TDRD3: variants seen among roughly 807,000 people sequenced by gnomAD.
TDRD3 encodes the protein tudor domain-containing protein 3.
Under a neutral mutation model 86.7 loss-of-function variants are expected in TDRD3, and 45 were observed. That is an observed-to-expected ratio of 0.52 (90% CI 0.41 to 0.67). TDRD3 has a LOEUF of 0.67. TDRD3 is among the 30% of genes least tolerant of loss of function. The pLI is 0.00. For synonymous variants in TDRD3, 298 were observed against 301.7 expected, an observed-to-expected ratio of 0.99 and a Z score of 0.13; for missense variants, 814 against 889.0, an observed-to-expected ratio of 0.92 and a Z score of 1.07.
chr13:60,419,241 G>A (rs1009594111), intron 1 of TDRD3, among the ~76,000 whole-genome samples: 5 of 152,100 alleles, frequency 3.3e-5, no homozygotes, highest in East Asian at 1.9e-4. Flanking sequence ...GATTTTAGCC[G>A]TTCATCTGGT....
At chr13:60,520,546 C>T (rs1957266355) in intron 10 of TDRD3, among the ~76,000 whole-genome samples, 1 of 152,158 alleles carries the variant, frequency 6.6e-6, no homozygotes, top group African/African-American at 2.4e-5. Context: ...CTGTACTCCC[C>T]ACTCCTCCTA....
chr13:60,484,054 T>C (rs947557621), intron 6 of TDRD3, among the ~76,000 whole-genome samples: 1 of 152,112 alleles, frequency 6.6e-6, no homozygotes, highest in African/African-American at 2.4e-5. Context: ...AACCCAAAGA[T>C]TGAAGCAATT....
intron 12 of TDRD3, among the ~76,000 whole-genome samples, chr13:60,554,505 T>C (rs1013576843): frequency 3.9e-5 from 6 of 152,182 alleles, no homozygotes; most frequent in African/African-American, 1.2e-4. Context: ...CTCTACTTTT[T>C]AATAAACAAT....
chr13:60,478,802 T>A (rs892490407), intron 5 of TDRD3, among the ~76,000 whole-genome samples: 49 of 65,474 alleles, frequency 7.5e-4, no homozygotes, highest in African/African-American at 2.6e-3. Flanking sequence ...ATTTGAGGAC[T>A]TTTTTTTTTT....
intron 10 of TDRD3, among the ~76,000 whole-genome samples, chr13:60,518,921 T>C (rs576976915): frequency 1.3e-5 from 2 of 152,198 alleles, no homozygotes; most frequent in African/African-American, 4.8e-5. Flanking sequence ...ATGATCCTAA[T>C]ATACTTTGCT....
intron 8 of TDRD3, among the ~76,000 whole-genome samples, chr13:60,498,875 T>A (rs1452892290): frequency 6.6e-6 from 1 of 152,110 alleles, no homozygotes; most frequent in Non-Finnish European, 1.5e-5. Context: ...CCAGTTAAAG[T>A]AGGGGCTTAT....
intron 1 of TDRD3, among the ~76,000 whole-genome samples, chr13:60,398,940 G>C (rs563617006): frequency 1.9e-4 from 29 of 152,194 alleles, no homozygotes; most frequent in African/African-American, 6.7e-4. Flanking sequence ...TTCTCATTAG[G>C]TTGAGCGTTG....
chr13:60,534,533 G>T (rs919745324), intron 11 of TDRD3, among the ~76,000 whole-genome samples: 1 of 151,854 alleles, frequency 6.6e-6, no homozygotes, highest in Non-Finnish European at 1.5e-5. Context: ...CACTTGTGAT[G>T]ACTGAAGCAC....
intron 3 of TDRD3, among the ~76,000 whole-genome samples, chr13:60,456,968 T>C (rs971732665): frequency 1.3e-5 from 2 of 152,134 alleles, no homozygotes; most frequent in Non-Finnish European, 2.9e-5. Flanking sequence ...AGTGCTGAGA[T>C]TACAGGTGTG....
chr13:60,572,297 C>A (rs1031841542), intron 13 of TDRD3, among the ~76,000 whole-genome samples: 1 of 152,074 alleles, frequency 6.6e-6, no homozygotes, highest in Non-Finnish European at 1.5e-5. Context: ...AAATATTTTT[C>A]GGTGATGAAA....
intron 7 of TDRD3, among the ~76,000 whole-genome samples, chr13:60,491,131 A>G (rs867683383): frequency 1.5e-3 from 231 of 151,686 alleles, no homozygotes; most frequent in African/African-American, 3.5e-3. Context: ...AAAAAAAAAA[A>G]AAGAAGAAGA....
intron 3 of TDRD3, among the ~76,000 whole-genome samples, chr13:60,452,004 C>CA (rs1288184604): frequency 3.3e-5 from 5 of 152,182 alleles, no homozygotes; most frequent in Non-Finnish European, 1.5e-5. Context: ...CTCTGAAGAG[C>CA]AAAAAATAGC....
intron 5 of TDRD3, among the ~76,000 whole-genome samples, chr13:60,471,961 ACAC>A (rs1254425158): frequency 6.6e-6 from 1 of 151,608 alleles, no homozygotes; most frequent in Non-Finnish European, 1.5e-5. Flanking sequence ...CTTAGAGGAA[ACAC>A]CTTCAGTCCT....
chr13:60,551,269 A>G (rs1958047291), intron 12 of TDRD3, among the ~76,000 whole-genome samples: 1 of 152,328 alleles, frequency 6.6e-6, no homozygotes, highest in African/African-American at 2.4e-5. Flanking sequence ...GTTTTCTTCT[A>G]TGGAAAATAC....
At chr13:60,456,756 C>G (rs150907911) in intron 3 of TDRD3, among the ~76,000 whole-genome samples, 6,773 of 152,084 alleles carry the variant, frequency 0.045, 207 homozygotes, top group Non-Finnish European at 0.064. Flanking sequence ...AGTGTAGTGG[C>G]GCAATCGTGG....
At chr13:60,419,363 T>A (rs987281729) in intron 1 of TDRD3, among the ~76,000 whole-genome samples, 1 of 152,218 alleles carries the variant, frequency 6.6e-6, no homozygotes, top group Admixed American at 6.5e-5. Flanking sequence ...TTGAGTCTTT[T>A]GTCCGTTAAG....
At chr13:60,480,692 A>G (rs1321918959) in intron 5 of TDRD3, among the ~76,000 whole-genome samples, 1 of 152,090 alleles carries the variant, frequency 6.6e-6, no homozygotes, top group South Asian at 2.1e-4. Context: ...TTTCTAAATT[A>G]TAATTTACCT....
chr13:60,422,691 A>G (rs957293795), intron 1 of TDRD3, among the ~76,000 whole-genome samples: 1 of 152,130 alleles, frequency 6.6e-6, no homozygotes, highest in East Asian at 1.9e-4. Context: ...CCAAGGGAAA[A>G]TGGACTAGAA....
chr13:60,525,873 A>G (rs1957419201), intron 10 of TDRD3, among the ~76,000 whole-genome samples: 1 of 152,246 alleles, frequency 6.6e-6, no homozygotes, highest in African/African-American at 2.4e-5. Context: ...TCTGGAACAA[A>G]GTGAAAAGAT....
Sources: gnomAD v4.1 joint callset for allele counts (sites outside exome capture counted in the v4.1 genomes callset) on GRCh38, gnomAD v4.1.1 for gene constraint, MANE v1.5 for transcripts, NCBI Gene and HGNC (gene_info 2026-07-23, HGNC 2026-07-21) for gene names.